KCNH8: variants seen among roughly 807,000 people sequenced by gnomAD.
KCNH8 encodes the protein voltage-gated delayed rectifier potassium channel KCNH8.
A neutral mutation model predicts 103.6 loss-of-function variants in KCNH8; 70 were observed. The ratio of observed to expected loss-of-function variants is 0.68; its 90% CI spans 0.56 to 0.82. The LOEUF (loss-of-function observed/expected upper bound fraction) is 0.82. Among genes scored for constraint, KCNH8 ranks in the 40% least tolerant of loss-of-function variants. The pLI is 0.00. For missense variants in KCNH8, 1,217 were observed against 1,329.9 expected (o/e 0.92, Z 1.32); for synonymous variants, 498 against 489.4 (o/e 1.02, Z -0.23).
At chr3:19,244,705 A>G (rs1427730084) in intron 1 of KCNH8, among the ~76,000 whole-genome samples, 1 of 151,994 alleles carries the variant, frequency 6.6e-6, no homozygotes, top group Non-Finnish European at 1.5e-5. Context: ...TTTGATTTGC[A>G]TTTCTCAGAT....
chr3:19,375,118 C>T (rs998021508), intron 5 of KCNH8, among the ~76,000 whole-genome samples: 12 of 151,526 alleles, frequency 7.9e-5, no homozygotes, highest in Admixed American at 3.3e-4. Flanking sequence ...ATCTTTGTGG[C>T]GTTCTCTGTA....
intron 7 of KCNH8, among the ~76,000 whole-genome samples, chr3:19,409,363 G>A (rs2066740683): frequency 6.6e-6 from 1 of 151,698 alleles, no homozygotes; most frequent in Admixed American, 6.6e-5. Context: ...AGATTCTTAA[G>A]GGAGTTCTAC....
At chr3:19,317,276 A>G (rs1370985253) in intron 3 of KCNH8, among the ~76,000 whole-genome samples, 2 of 151,886 alleles carry the variant, frequency 1.3e-5, no homozygotes, top group African/African-American at 4.8e-5. Flanking sequence ...TTTTAAATTA[A>G]TTTTCACACT....
At chr3:19,372,413 T>TA (rs1229593383) in intron 5 of KCNH8, among the ~76,000 whole-genome samples, 1 of 150,800 alleles carries the variant, frequency 6.6e-6, no homozygotes, top group Non-Finnish European at 1.5e-5. Flanking sequence ...GCTCTCTGTT[T>TA]GTCTGTTGTT....
At chr3:19,161,042 A>G (rs1317271570) in intron 1 of KCNH8, among the ~76,000 whole-genome samples, 1 of 152,208 alleles carries the variant, frequency 6.6e-6, no homozygotes, top group Non-Finnish European at 1.5e-5. Context: ...TGAGGTTGCT[A>G]AGATCCACAG....
At chr3:19,155,283 T>C (rs1031362703) in intron 1 of KCNH8, among the ~76,000 whole-genome samples, 6 of 152,186 alleles carry the variant, frequency 3.9e-5, no homozygotes, top group African/African-American at 1.4e-4. Flanking sequence ...TAATTAATTA[T>C]CAAATTTTTA....
chr3:19,279,551 A>C (rs1261839312), intron 2 of KCNH8, among the ~76,000 whole-genome samples: 1 of 138,502 alleles, frequency 7.2e-6, no homozygotes, highest in African/African-American at 2.8e-5. Flanking sequence ...GATGAATGAA[A>C]TGGGATGCCA....
At chr3:19,469,071 T>A (rs1222968492) in intron 11 of KCNH8, among the ~76,000 whole-genome samples, 3 of 152,212 alleles carry the variant, frequency 2.0e-5, no homozygotes, top group Non-Finnish European at 4.4e-5. Flanking sequence ...CCCAGATACT[T>A]AATTCTTCAA....
At chr3:19,243,763 C>T (rs1388797273) in intron 1 of KCNH8, among the ~76,000 whole-genome samples, 2 of 152,068 alleles carry the variant, frequency 1.3e-5, no homozygotes, top group Non-Finnish European at 2.9e-5. Flanking sequence ...TTCCTCAAAT[C>T]TTCATGTATG....
intron 7 of KCNH8, among the ~76,000 whole-genome samples, chr3:19,403,690 T>A (rs553427592): frequency 6.6e-6 from 1 of 151,682 alleles, no homozygotes; most frequent in Non-Finnish European, 1.5e-5. Context: ...CACACTGATA[T>A]ATTTTTAACC....
intron 10 of KCNH8, among the ~76,000 whole-genome samples, chr3:19,454,674 G>A (rs1449746494): frequency 6.6e-6 from 1 of 151,984 alleles, no homozygotes; most frequent in East Asian, 1.9e-4. Context: ...GATATTTCTT[G>A]TTATGTTTTT....
intron 1 of KCNH8, among the ~76,000 whole-genome samples, chr3:19,243,639 C>G (rs368112837): frequency 6.6e-6 from 1 of 152,118 alleles, no homozygotes; most frequent in East Asian, 1.9e-4. Context: ...TCAGTCCACT[C>G]TGATGGATTG....
In KCNH8 at chr3:19,510,399, C is replaced by G. The variant is rs1171451643; in HGVS notation, c.2077C>G (p.Gln693Glu). The change falls in exon 12 of 16, where the codon CAG becomes GAG. Residue 693 changes from glutamine to glutamate, a missense_variant and splice_region_variant. Coordinates refer to ENST00000328405, the MANE Select transcript of KCNH8 (RefSeq NM_144633.3). Reference protein sequence around the residue: ...SRLSNKSMVSQSEPKGNGNIN... With the variant: ...SRLSNKSMVSESEPKGNGNIN... ...ACTATCAAACAAATCTATGGTCTCA[C>G]AGGTATGGCTTTTGCTACACAGCAA... 1 of 1,568,948 alleles carries G rather than the reference C, an allele frequency of 6.4e-7. No homozygotes were observed. Among genetic ancestry groups the G allele is most frequent in the Admixed American group, 1.7e-5 (1 of 59,886 alleles).
rs1004549376 is a variant in KCNH8, at chr3:19,448,819, T to G, written c.1376-1287T>G. The G allele has an allele frequency of 2.8e-5, 9 of 326,508 alleles. No individual in the cohort carries two copies. In the Admixed American group the frequency reaches 2.8e-4, roughly 10 times the overall value. The allele number at this position is 326,508 out of a possible 1,614,324, so 20.2% of individuals were successfully genotyped here. On this transcript the variant is annotated intron_variant, in intron 8 of 15. Coordinates refer to ENST00000328405, the MANE Select transcript of KCNH8 (RefSeq NM_144633.3). ...TTTACCCAACACATAAGCTTCATAC[T>G]TCATTCCTAATCCTGTCCCAGAATA...
At chr3:19,270,874 A>T (rs890318374) in intron 2 of KCNH8, among the ~76,000 whole-genome samples, 14 of 152,084 alleles carry the variant, frequency 9.2e-5, no homozygotes, top group African/African-American at 3.4e-4. Flanking sequence ...TCTTATTTCC[A>T]AATTCTCGTC....
At chr3:19,164,708 T>C (rs531180155) in intron 1 of KCNH8, among the ~76,000 whole-genome samples, 1 of 152,348 alleles carries the variant, frequency 6.6e-6, no homozygotes, top group Admixed American at 6.5e-5. Context: ...TTTATGCTTT[T>C]TAAGAAGACA....
At chr3:19,372,480 T>G (rs554103955) in intron 5 of KCNH8, among the ~76,000 whole-genome samples, 12 of 151,932 alleles carry the variant, frequency 7.9e-5, no homozygotes, top group African/African-American at 2.2e-4. Context: ...GAGACTTTGC[T>G]GAAGTTGCTT....
chr3:19,290,310 C>T (rs2064900030), intron 3 of KCNH8, among the ~76,000 whole-genome samples: 1 of 152,148 alleles, frequency 6.6e-6, no homozygotes, highest in African/African-American at 2.4e-5. Flanking sequence ...GAGAGGGCAT[C>T]CCTGTCTTGT....
intron 11 of KCNH8, among the ~76,000 whole-genome samples, chr3:19,499,725 G>C (rs1420740228): frequency 1.3e-5 from 2 of 152,146 alleles, no homozygotes; most frequent in Admixed American, 6.5e-5. Context: ...ATCCTTTACA[G>C]ACAAGCAAAT....
Sources: allele counts gnomAD v4.1 joint callset (sites outside exome capture counted in the v4.1 genomes callset), GRCh38; gene constraint gnomAD v4.1.1; transcripts MANE v1.5; gene names NCBI Gene and HGNC (gene_info 2026-07-23, HGNC 2026-07-21).